Variants in KCNH8 observed in about 807,000 individuals in gnomAD.
The protein encoded by KCNH8 is potassium voltage-gated channel subfamily H member 8.
A neutral mutation model predicts 103.6 loss-of-function variants in KCNH8; 70 were observed. The observed-to-expected ratio is 0.68, with a 90% CI of 0.56 to 0.82. KCNH8 has a LOEUF of 0.82. Among genes scored for constraint, KCNH8 ranks in the 40% least tolerant of loss-of-function variants. The pLI, the probability that KCNH8 is intolerant of heterozygous loss-of-function variation, is 0.00. For missense variants in KCNH8, 1,217 were observed against 1,329.9 expected, an observed-to-expected ratio of 0.92 and a Z score of 1.32; for synonymous variants, 498 against 489.4, an observed-to-expected ratio of 1.02 and a Z score of -0.23.
At chr3:19,483,927 A>T (rs2068143522) in intron 11 of KCNH8, among the ~76,000 whole-genome samples, 3 of 152,116 alleles carry the variant, frequency 2.0e-5, no homozygotes, top group Admixed American at 2.0e-4. Flanking sequence ...AATGGCCTAA[A>T]TGACACAAGA....
rs1230506517 is a variant in KCNH8 at position 19,314,629 on chromosome 3, C to G, written c.443-27958C>G. On this transcript the variant is annotated intron_variant, in intron 3 of 15. Coordinates refer to ENST00000328405, the MANE Select transcript of KCNH8 (RefSeq NM_144633.3). ...AAAACCCCACAGTACTTAACTCACCCGCTGCAGCAGGACAGCTGCCATAGA... is the reference window on the plus strand; with the variant it reads ...AAAACCCCACAGTACTTAACTCACCGGCTGCAGCAGGACAGCTGCCATAGA... 2.6e-5 allele frequency among the ~76,000 whole-genome samples: 4 copies of G among 151,932 alleles called. No homozygotes were observed. In the South Asian group the frequency reaches 8.3e-4, roughly 31 times the overall value.
chr3:19,445,749 G>A (rs1298046756), intron 8 of KCNH8, among the ~76,000 whole-genome samples: 1 of 151,892 alleles, frequency 6.6e-6, no homozygotes, highest in Non-Finnish European at 1.5e-5. Flanking sequence ...GGATGGGTTT[G>A]GGGCTGGACT....
At chr3:19,406,412 T>G (rs997143887) in intron 7 of KCNH8, among the ~76,000 whole-genome samples, 1 of 152,096 alleles carries the variant, frequency 6.6e-6, no homozygotes, top group Non-Finnish European at 1.5e-5. Flanking sequence ...GTTTCTTAAA[T>G]TGAGAGAAAC....
chr3:19,491,333 C>T (rs947305367), intron 11 of KCNH8, among the ~76,000 whole-genome samples: 12 of 152,170 alleles, frequency 7.9e-5, no homozygotes, highest in Non-Finnish European at 1.6e-4. Context: ...CCCCCTTCCC[C>T]GCTCTCTCTA....
intron 3 of KCNH8, among the ~76,000 whole-genome samples, chr3:19,316,481 G>A (rs1416298432): frequency 5.3e-5 from 8 of 151,860 alleles, no homozygotes; most frequent in Non-Finnish European, 1.0e-4. Context: ...ATTGAATTTT[G>A]GTGTTGAAAT....
intron 11 of KCNH8, among the ~76,000 whole-genome samples, chr3:19,462,911 TG>T (rs2067661953): frequency 6.6e-6 from 1 of 152,152 alleles, no homozygotes. Context: ...CATTTGTTTT[TG>T]TCAGGTTTGT....
chr3:19,274,857 T>A lies in KCNH8; in HGVS notation c.311-6341T>A, dbSNP rs1344026919. 7.6e-4 allele frequency among the ~76,000 whole-genome samples: 6 copies of A among 7,912 alleles called. 1 individual carries two copies. Among genetic ancestry groups the A allele is most frequent in the African/African-American group, 2.9e-3 (5 of 1,722 alleles). The allele number at this position is 7,912 out of a possible 152,430, so 5.2% of individuals were successfully genotyped here. On this transcript the variant is annotated intron_variant, in intron 2 of 15. Transcript: ENST00000328405. Reference sequence around the variant, plus strand: ...TCCCCTCCCCACCCCTCCCCTCCCCTCCCCACCCCTCCCCTCCCCACCCCT... The same window carrying A: ...TCCCCTCCCCACCCCTCCCCTCCCCACCCCACCCCTCCCCTCCCCACCCCT...
At chr3:19,338,809 T>C (rs948989618) in intron 3 of KCNH8, among the ~76,000 whole-genome samples, 2 of 152,120 alleles carry the variant, frequency 1.3e-5, no homozygotes, top group East Asian at 1.9e-4. Flanking sequence ...TTTTGAGATA[T>C]TTCTGTTAAT....
chr3:19,416,079 T>G (rs1021667604), intron 7 of KCNH8, among the ~76,000 whole-genome samples: 2 of 152,120 alleles, frequency 1.3e-5, no homozygotes, highest in Non-Finnish European at 2.9e-5. Context: ...GTGTAAAAAT[T>G]TTTAAATTAT....
At chr3:19,201,693 G>A (rs1054833541) in intron 1 of KCNH8, among the ~76,000 whole-genome samples, 1 of 151,860 alleles carries the variant, frequency 6.6e-6, no homozygotes, top group Non-Finnish European at 1.5e-5. Context: ...AATCTCCTGG[G>A]TACCTTGAAG....
At chr3:19,466,897 G>T (rs1376043600) in intron 11 of KCNH8, among the ~76,000 whole-genome samples, 1 of 151,962 alleles carries the variant, frequency 6.6e-6, no homozygotes, top group African/African-American at 2.4e-5. Flanking sequence ...CCTACCTCAG[G>T]TGATCTGCCT....
chr3:19,284,969 G>A (rs1434633917), intron 3 of KCNH8, among the ~76,000 whole-genome samples: 2 of 151,704 alleles, frequency 1.3e-5, no homozygotes, highest in African/African-American at 4.8e-5. Flanking sequence ...AGAAGCCAGG[G>A]TAGGCAAAGT....
chr3:19,158,546 T>G (rs1275230414), intron 1 of KCNH8, among the ~76,000 whole-genome samples: 1 of 151,886 alleles, frequency 6.6e-6, no homozygotes, highest in Admixed American at 6.6e-5. Context: ...TGTTGAACAT[T>G]CATATTCAAA....
intron 3 of KCNH8, among the ~76,000 whole-genome samples, chr3:19,341,661 A>G (rs2065661256): frequency 6.6e-6 from 1 of 152,168 alleles, no homozygotes; most frequent in African/African-American, 2.4e-5. Context: ...AAAAATGAAT[A>G]GACCAGAAAA....
intron 5 of KCNH8, among the ~76,000 whole-genome samples, chr3:19,363,839 C>A (rs541765104): frequency 1.3e-5 from 2 of 152,040 alleles, no homozygotes; most frequent in African/African-American, 4.8e-5. Flanking sequence ...ATAGTATAGT[C>A]ATTTTCCTGA....
chr3:19,302,649 C>T (rs1206612280), intron 3 of KCNH8, among the ~76,000 whole-genome samples: 3 of 152,072 alleles, frequency 2.0e-5, no homozygotes, highest in Admixed American at 6.6e-5. Context: ...TTAGAAATGC[C>T]ATTAGAAAGC....
At chr3:19,419,293 G>A (rs1373901848) in intron 7 of KCNH8, among the ~76,000 whole-genome samples, 5 of 141,002 alleles carry the variant, frequency 3.5e-5, no homozygotes, top group African/African-American at 1.0e-4. Context: ...TCTGCCTCCC[G>A]GGTTCACGCC....
chr3:19,413,490 A>G (rs752644559), intron 7 of KCNH8, among the ~76,000 whole-genome samples: 1 of 152,056 alleles, frequency 6.6e-6, no homozygotes, highest in Non-Finnish European at 1.5e-5. Flanking sequence ...AGTCATGGGT[A>G]ACATTTTTTA....
At chr3:19,274,450 G>A (rs982033583) in intron 2 of KCNH8, among the ~76,000 whole-genome samples, 15 of 151,934 alleles carry the variant, frequency 9.9e-5, no homozygotes, top group African/African-American at 3.1e-4. Flanking sequence ...TAAAACTATC[G>A]CTGCTGAATT....
Sources: gnomAD v4.1 joint callset for allele counts (sites outside exome capture counted in the v4.1 genomes callset) on GRCh38, gnomAD v4.1.1 for gene constraint, MANE v1.5 for transcripts, NCBI Gene and HGNC (gene_info 2026-07-23, HGNC 2026-07-21) for gene names.